The following PTPA variants were observed in gnomAD, a reference collection of about 807,000 sequenced individuals.
The protein encoded by PTPA is serine/threonine-protein phosphatase 2A activator.
In PTPA, 13 loss-of-function variants were observed where a neutral mutation model predicts 43.6. That is an observed-to-expected ratio of 0.30 (90% CI 0.19 to 0.47). PTPA has a LOEUF of 0.47. Among genes scored for constraint, PTPA ranks in the 20% least tolerant of loss-of-function variants. The pLI is 0.99. For missense variants in PTPA, 329 were observed against 411.9 expected, an observed-to-expected ratio of 0.80 and a Z score of 1.74; for synonymous variants, 172 against 158.2, an observed-to-expected ratio of 1.09 and a Z score of -0.66.
chr9:129,128,511 G>A (rs199842803), intron 3 of PTPA, among the ~76,000 whole-genome samples: 2 of 149,538 alleles, frequency 1.3e-5, no homozygotes, highest in Non-Finnish European at 3.0e-5. Flanking sequence ...ACTCCAGCCT[G>A]GGCAACAAGA....
upstream of PTPA, chr9:129,111,286 G>C (rs1848451602): frequency 1.7e-6 from 2 of 1,187,322 alleles, no homozygotes; most frequent in Non-Finnish European, 2.1e-6. Flanking sequence ...GCGGCCGTGA[G>C]CGGTCCTAGC....
At chr9:129,118,240 G>C (rs1003219423) in intron 1 of PTPA, among the ~76,000 whole-genome samples, 12 of 151,440 alleles carry the variant, frequency 7.9e-5, no homozygotes, top group Admixed American at 4.6e-4. Context: ...TTTTAGTAGA[G>C]ATGGGGTTTC....
chr9:129,144,535 G>A (rs570277494), intron 9 of PTPA, among the ~76,000 whole-genome samples: 3 of 151,218 alleles, frequency 2.0e-5, no homozygotes, highest in African/African-American at 4.9e-5. Context: ...TCAGGAGATC[G>A]AGACCATCCT....
intron 1 of PTPA, among the ~76,000 whole-genome samples, chr9:129,118,632 C>A (rs781643955): frequency 6.6e-6 from 1 of 152,138 alleles, no homozygotes; most frequent in Non-Finnish European, 1.5e-5. Flanking sequence ...ACTTTGGCCT[C>A]CCAAAGTGCT....
chr9:129,131,696 G>A (rs1849982531), intron 5 of PTPA, 57 bp downstream of exon 5: 1 of 1,532,118 alleles, frequency 6.5e-7, no homozygotes, highest in Non-Finnish European at 9.0e-7. Context: ...TCTGTTTTGG[G>A]CTTCAGGTGG....
At chr9:129,137,187 G>A (rs1850428369) in intron 7 of PTPA, among the ~76,000 whole-genome samples, 1 of 152,174 alleles carries the variant, frequency 6.6e-6, no homozygotes, top group Non-Finnish European at 1.5e-5. Flanking sequence ...CATTAGTTGT[G>A]GCCTCGGGTG....
intron 1 of PTPA, among the ~76,000 whole-genome samples, chr9:129,117,517 C>T (rs1342129608): frequency 6.6e-6 from 1 of 151,774 alleles, no homozygotes; most frequent in East Asian, 1.9e-4. Context: ...GGTTCTTCTG[C>T]CTCAGCCTCC....
At chr9:129,127,982 G>A in intron 3 of PTPA, 1 of 1,339,298 alleles carries the variant, frequency 7.5e-7, no homozygotes, top group Non-Finnish European at 9.9e-7. Flanking sequence ...TGAGGTTCAT[G>A]AGGAAAAGGA....
rs57365080 is a variant in PTPA at position 129,142,338 on chromosome 9, T to TTGTG, written c.787-92_787-89dup. 4,276 of 784,276 alleles carry TTGTG rather than the reference T, an allele frequency of 5.5e-3. 1 individual carries two copies. Among genetic ancestry groups the TTGTG allele is most frequent in the Non-Finnish European group, 6.9e-3 (3,509 of 504,952 alleles). The allele number at this position is 784,276 out of a possible 1,614,324, so 48.6% of individuals were successfully genotyped here. ...GCGCGTGCATTGTGTGCGTGTGCGT[T>TTGTG]TGTGTGTGTGTGTGTGTGCATGCAT... On this transcript the variant is annotated intron_variant, in intron 8 of 9. Coordinates refer to ENST00000393370, the MANE Select transcript of PTPA (RefSeq NM_178000.3).
intron 9 of PTPA, among the ~76,000 whole-genome samples, chr9:129,146,778 G>A (rs1340098466): frequency 6.6e-6 from 1 of 152,226 alleles, no homozygotes; most frequent in Non-Finnish European, 1.5e-5. Flanking sequence ...CCCGGGCTGG[G>A]CTGGGCTCAG....
intron 2 of PTPA, among the ~76,000 whole-genome samples, chr9:129,122,718 G>C (rs1849323059): frequency 6.6e-6 from 1 of 152,190 alleles, no homozygotes; most frequent in Admixed American, 6.5e-5. Flanking sequence ...CACTTCTCTT[G>C]AAATCTTGGT....
chr9:129,119,171 A>G (rs1192028107), intron 1 of PTPA: 4 of 160,054 alleles, frequency 2.5e-5, no homozygotes, highest in Non-Finnish European at 5.6e-5. Context: ...TAATTTTTAA[A>G]TTTTTTTTGT....
At chr9:129,111,877 C>T (rs1236923783) in intron 1 of PTPA, 10 of 1,028,806 alleles carry the variant, frequency 9.7e-6, no homozygotes, top group Admixed American at 4.3e-5. Flanking sequence ...TGTGGGAGTC[C>T]AGGCTGCCCG....
chr9:129,138,405 G>A (rs916888303), intron 8 of PTPA, among the ~76,000 whole-genome samples: 1 of 152,204 alleles, frequency 6.6e-6, no homozygotes, highest in Non-Finnish European at 1.5e-5. Context: ...GGGGACAAGA[G>A]CCAGGAACCT....
At chr9:129,121,563 A>G (rs2131557734) in intron 2 of PTPA, among the ~76,000 whole-genome samples, 1 of 152,280 alleles carries the variant, frequency 6.6e-6, no homozygotes, top group South Asian at 2.1e-4. Flanking sequence ...GGGGCATCTC[A>G]ATGTCAGCAC....
chr9:129,142,851 C>T lies in PTPA; in HGVS notation c.894+299C>T, dbSNP rs549102581. 3.3e-6 allele frequency: 5 copies of T among 1,529,780 alleles called. 1 individual carries two copies. The South Asian group carries it at 3.6e-5, about 11-fold the overall frequency. 94.8% of individuals were successfully genotyped at this position (1,529,780 alleles called of 1,614,324 possible). ...GGGAGTGGGGGCGATGGGGGCCTCC[C>T]TTCTCCTTTATCAAGTGGCCAAAGG... On this transcript the variant is annotated intron_variant, in intron 9 of 9. Transcript: ENST00000393370.
chr9:129,122,992 G>A (rs1281776272), intron 2 of PTPA, 60 bp from the exon 3 acceptor site: 10 of 1,340,574 alleles, frequency 7.5e-6, no homozygotes, highest in Non-Finnish European at 1.0e-5. Flanking sequence ...GCTCGGGGCA[G>A]GTGGGGCGGG....
At position 129,147,529 on chromosome 9, in the gene PTPA, T is replaced by C. The variant is rs540448567; in HGVS notation, c.*65T>C. The stretch of plus-strand genomic sequence containing the variant: ...GTGCCTGCCTTCCCCACCCCAGCAG[T>C]GGCCCCTCCCCATCCCCTCCCTCTG... On this transcript the variant is annotated 3_prime_UTR_variant, in exon 10 of 10. Coordinates refer to ENST00000393370, the MANE Select transcript of PTPA (RefSeq NM_178000.3). The C allele has an allele frequency of 9.3e-6, 14 of 1,502,876 alleles. No individual in the cohort carries two copies. The highest frequency in any genetic ancestry group is 3.4e-5 in the South Asian group (3 of 87,918). The allele number at this position is 1,502,876 out of a possible 1,614,324, so 93.1% of individuals were successfully genotyped here. A position where few individuals can be genotyped will look rare whatever the true frequency, so the allele number is the denominator to read the frequency against.
intron 1 of PTPA, among the ~76,000 whole-genome samples, chr9:129,118,465 C>G (rs1473803318): frequency 6.6e-6 from 1 of 152,112 alleles, no homozygotes. Flanking sequence ...ACCTCTGCCT[C>G]CTGGTTCAAG....
Sources: allele counts gnomAD v4.1 joint callset (sites outside exome capture counted in the v4.1 genomes callset), GRCh38; gene constraint gnomAD v4.1.1; transcripts MANE v1.5; gene names NCBI Gene and HGNC (gene_info 2026-07-23, HGNC 2026-07-21).